RNF149: variants seen among roughly 807,000 people sequenced by gnomAD.
RNF149 encodes E3 ubiquitin-protein ligase RNF149.
Under a neutral mutation model 39.0 loss-of-function variants are expected in RNF149, and 21 were observed. The ratio of observed to expected loss-of-function variants is 0.54; its 90% CI spans 0.38 to 0.77. The LOEUF (loss-of-function observed/expected upper bound fraction) is 0.77. Among genes scored for constraint, RNF149 ranks in the 30% least tolerant of loss-of-function variants. RNF149 has a pLI of 0.00. For missense variants in RNF149, 493 were observed against 534.9 expected, an observed-to-expected ratio of 0.92 and a Z score of 0.77; for synonymous variants, 209 against 213.6, an observed-to-expected ratio of 0.98 and a Z score of 0.19.
chr2:101,278,427 G>A (rs1422516734), intron 6 of RNF149, among the ~76,000 whole-genome samples: 1 of 152,174 alleles, frequency 6.6e-6, no homozygotes, highest in Non-Finnish European at 1.5e-5. Context: ...ACAAGTGTGA[G>A]CCACCATGTC....
chr2:101,286,058 A>T, intron 5 of RNF149, 23 bp downstream of exon 5: 1 of 1,401,796 alleles, frequency 7.1e-7, no homozygotes, highest in Non-Finnish European at 1.0e-6. Flanking sequence ...CAGAGATTGA[A>T]TATAAACAAA....
downstream of RNF149, chr2:101,271,883 G>T (rs1038209498): frequency 6.6e-6 from 1 of 152,102 alleles, no homozygotes; most frequent in African/African-American, 2.4e-5. Context: ...AAATGGTATC[G>T]ATTTTTATTC....
At chr2:101,277,398 A>G (rs543911593) in intron 6 of RNF149, 117 bp from the exon 7 acceptor site, 10 of 1,376,574 alleles carry the variant, frequency 7.3e-6, no homozygotes, top group South Asian at 1.6e-5. Flanking sequence ...AGAAAAAAAA[A>G]TTTTTTTTGA....
At position 101,308,174 on chromosome 2, in the gene RNF149, T is replaced by C; in HGVS notation, c.415A>G (p.Asn139Asp). The part of the protein sequence containing the change: ...RRNASAVVLY[N>D]EERYGNITLP... Reference sequence around the variant, plus strand: ...GTGATGTTCCCGTAGCGCTCCTCATTGTAGAGGACGACGGCCGAGGCGTTC... The same window carrying C: ...GTGATGTTCCCGTAGCGCTCCTCATCGTAGAGGACGACGGCCGAGGCGTTC... Residue 139 changes from asparagine to aspartate, a missense_variant, in exon 1 of 7, where the codon AAT becomes GAT. Coordinates refer to ENST00000295317, the MANE Select transcript of RNF149 (RefSeq NM_173647.4). The C allele has an allele frequency of 6.2e-7, 1 of 1,610,420 alleles. No individual in the cohort carries two copies. The highest frequency in any genetic ancestry group is 8.5e-7 in the Non-Finnish European group (1 of 1,179,246).
chr2:101,286,925 T>C (rs565608313), intron 4 of RNF149, among the ~76,000 whole-genome samples: 142 of 152,362 alleles, frequency 9.3e-4, no homozygotes, highest in African/African-American at 3.1e-3. Flanking sequence ...GCAATGTGCA[T>C]ACAACTGTGC....
chr2:101,286,357 C>T (rs1409965017), intron 4 of RNF149, 180 bp from the exon 5 acceptor site: 1 of 448,912 alleles, frequency 2.2e-6, no homozygotes, highest in East Asian at 3.6e-5. Flanking sequence ...GAATCTGGCA[C>T]TTCTAGGGAA....
In RNF149 at chr2:101,286,002, T is replaced by C; in HGVS notation, c.960+79A>G. On this transcript the variant is annotated intron_variant, in intron 5 of 6. Coordinates refer to ENST00000295317, the MANE Select transcript of RNF149 (RefSeq NM_173647.4). ...TTAGGAGCATTTCACCTGTTCCTCTTGTTTCTAGTCAATAATGAAACTGAA... is the reference window on the plus strand; with the variant it reads ...TTAGGAGCATTTCACCTGTTCCTCTCGTTTCTAGTCAATAATGAAACTGAA... The C allele has an allele frequency of 4.8e-6, 4 of 828,002 alleles. No individual in the cohort carries two copies. In the South Asian group the frequency reaches 6.1e-5, roughly 13 times the overall value. The allele number at this position is 828,002 out of a possible 1,614,324, so 51.3% of individuals were successfully genotyped here. A position where few individuals can be genotyped will look rare whatever the true frequency, so the allele number is the denominator to read the frequency against.
At chr2:101,281,706 G>GC in intron 6 of RNF149, 153 bp downstream of exon 6, 1 of 845,378 alleles carries the variant, frequency 1.2e-6, no homozygotes, top group Non-Finnish European at 1.9e-6. Flanking sequence ...TCACTATGCT[G>GC]CCCAGGCTGT....
At chr2:101,299,049 C>G (rs1683349659) in intron 1 of RNF149, among the ~76,000 whole-genome samples, 1 of 152,104 alleles carries the variant, frequency 6.6e-6, no homozygotes, top group Non-Finnish European at 1.5e-5. Context: ...CCCAGCTACT[C>G]TGGAGGCTGA....
chr2:101,282,711 TG>T (rs1682637216), intron 5 of RNF149, among the ~76,000 whole-genome samples: 2 of 152,146 alleles, frequency 1.3e-5, no homozygotes, highest in African/African-American at 4.8e-5. Context: ...TGTAAGTGGA[TG>T]GAACTCCTGG....
chr2:101,307,450 A>G (rs1335838154), intron 1 of RNF149, among the ~76,000 whole-genome samples: 1 of 152,180 alleles, frequency 6.6e-6, no homozygotes, highest in Non-Finnish European at 1.5e-5. Flanking sequence ...AAGTGCTGGG[A>G]TTACAGGCGT....
In RNF149 at chr2:101,301,125, C is replaced by A. The variant is rs553141870; in HGVS notation, c.461-5944G>T. On this transcript the variant is annotated intron_variant, in intron 1 of 6. Coordinates refer to ENST00000295317, the MANE Select transcript of RNF149 (RefSeq NM_173647.4). Reference sequence around the variant, plus strand: ...TATCTCTTCCTTCCTTAGGCCTTAACGTTGTTACCAATATTGCTTGACTAA... The same window carrying A: ...TATCTCTTCCTTCCTTAGGCCTTAAAGTTGTTACCAATATTGCTTGACTAA... Among the ~76,000 whole-genome samples, 3 of 152,224 alleles carry A rather than the reference C, an allele frequency of 2.0e-5. No homozygotes were observed. The South Asian group carries it at 6.2e-4, about 32-fold the overall frequency.
At chr2:101,281,064 C>T (rs1055941406) in intron 6 of RNF149, among the ~76,000 whole-genome samples, 1 of 151,810 alleles carries the variant, frequency 6.6e-6, no homozygotes, top group African/African-American at 2.4e-5. Flanking sequence ...AAAAACAAAA[C>T]AAAACAAAAA....
intron 1 of RNF149, among the ~76,000 whole-genome samples, chr2:101,298,159 G>A (rs928870825): frequency 2.4e-4 from 37 of 152,178 alleles, no homozygotes; most frequent in African/African-American, 7.7e-4. Flanking sequence ...GGCCAGGCAC[G>A]GTGGCTCACA....
At chr2:101,290,682 C>G (rs1431809474) in intron 3 of RNF149, among the ~76,000 whole-genome samples, 1 of 152,092 alleles carries the variant, frequency 6.6e-6, no homozygotes, top group Admixed American at 6.6e-5. Context: ...AAATAGTTAC[C>G]TCACTAGTGA....
At chr2:101,295,347 T>C (rs181493603) in intron 1 of RNF149, among the ~76,000 whole-genome samples, 166 bp from the exon 2 acceptor site, 14 of 152,242 alleles carry the variant, frequency 9.2e-5, no homozygotes, top group African/African-American at 3.1e-4. Flanking sequence ...ACTGATTACA[T>C]TAGAAGTAAT....
chr2:101,297,910 T>C (rs1199152001), intron 1 of RNF149, among the ~76,000 whole-genome samples: 1 of 152,198 alleles, frequency 6.6e-6, no homozygotes, highest in East Asian at 1.9e-4. Context: ...ATGAAAACAT[T>C]TCCTGTAAGA....
chr2:101,305,725 G>GA (rs1573269306), intron 1 of RNF149, among the ~76,000 whole-genome samples: 1 of 151,782 alleles, frequency 6.6e-6, no homozygotes, highest in Admixed American at 6.6e-5. Flanking sequence ...GGAGGGAGAG[G>GA]GAGAGGAGGG....
intron 1 of RNF149, among the ~76,000 whole-genome samples, chr2:101,300,076 A>G (rs976841646): frequency 8.5e-5 from 13 of 152,230 alleles, no homozygotes; most frequent in African/African-American, 3.1e-4. Flanking sequence ...CACTTTTTCA[A>G]TAAGAAAGCA....
Sources: allele counts gnomAD v4.1 joint callset (sites outside exome capture counted in the v4.1 genomes callset), GRCh38; gene constraint gnomAD v4.1.1; transcripts MANE v1.5; gene names NCBI Gene and HGNC (gene_info 2026-07-23, HGNC 2026-07-21).